Variants in SLC30A8 observed in about 807,000 individuals in gnomAD.
SLC30A8 encodes the protein proton-coupled zinc antiporter SLC30A8.
Under a neutral mutation model 36.9 loss-of-function variants are expected in SLC30A8, and 27 were observed. The ratio of observed to expected loss-of-function variants is 0.73; its 90% CI spans 0.54 to 1.01. SLC30A8 has a LOEUF of 1.01. SLC30A8 is among the 50% of genes least tolerant of loss of function. The pLI is 0.00. For missense variants in SLC30A8, 439 were observed against 452.0 expected (o/e 0.97, Z 0.26); for synonymous variants, 164 against 172.4 (o/e 0.95, Z 0.38).
At chr8:116,992,960 A>C (rs1165342188) in intron 1 of SLC30A8, among the ~76,000 whole-genome samples, 1 of 127,958 alleles carries the variant, frequency 7.8e-6, no homozygotes, top group Non-Finnish European at 1.8e-5. Context: ...AATCGTGGCC[A>C]TGTCGAGTAA....
At chr8:117,030,818 G>C (rs11989343) in intron 1 of SLC30A8, among the ~76,000 whole-genome samples, 10,275 of 152,220 alleles carry the variant, frequency 0.068, 422 homozygotes, top group African/African-American at 0.12. Context: ...TTAAAAGCTT[G>C]AGTTCTCTCT....
chr8:117,144,844 T>A (rs1821827718), intron 1 of SLC30A8, among the ~76,000 whole-genome samples: 1 of 152,146 alleles, frequency 6.6e-6, no homozygotes, highest in Non-Finnish European at 1.5e-5. Flanking sequence ...TGAGTCAGCA[T>A]GGCTGGGTTT....
chr8:117,056,547 C>A (rs887126733), intron 2 of SLC30A8, among the ~76,000 whole-genome samples: 1 of 139,580 alleles, frequency 7.2e-6, no homozygotes, highest in Non-Finnish European at 1.6e-5. Flanking sequence ...TTCTTTTTTT[C>A]TTTTTCTAAA....
chr8:116,985,293 TACACACACACACAC>T (rs71305454), intron 1 of SLC30A8, among the ~76,000 whole-genome samples: 1,828 of 140,318 alleles, frequency 0.013, 48 homozygotes, highest in African/African-American at 0.043. Context: ...CTCACACACA[TACACACACACACAC>T]ACACACACAC....
chr8:117,013,043 A>G (rs745960544), intron 1 of SLC30A8, among the ~76,000 whole-genome samples: 1 of 152,084 alleles, frequency 6.6e-6, no homozygotes, highest in Non-Finnish European at 1.5e-5. Flanking sequence ...GCAACTATTA[A>G]TATTTCTTAT....
At chr8:117,006,333 T>C (rs1234999713) in intron 1 of SLC30A8, among the ~76,000 whole-genome samples, 1 of 152,204 alleles carries the variant, frequency 6.6e-6, no homozygotes, top group African/African-American at 2.4e-5. Context: ...TTCAGTGTGA[T>C]CCTATTGGGT....
At position 117,019,837 on chromosome 8, in the gene SLC30A8, T is replaced by G. The variant is rs919608206; in HGVS notation, c.-265-19382T>G. On this transcript the variant is annotated intron_variant, in intron 1 of 10. Coordinates refer to the SLC30A8 transcript ENST00000427715. ...GAAAATTAAGATTTGTTTTGAGAAC[T>G]GCAAATAGTTGGTATGGCTGGAATG... Among the ~76,000 whole-genome samples the G allele has an allele frequency of 1.1e-4, 17 of 152,166 alleles. 1 individual carries two copies. The highest frequency in any genetic ancestry group is 4.1e-4 in the South Asian group (2 of 4,830).
chr8:117,093,858 T>C (rs1819243970), intron 2 of SLC30A8, among the ~76,000 whole-genome samples: 1 of 152,146 alleles, frequency 6.6e-6, no homozygotes, highest in African/African-American at 2.4e-5. Context: ...GAAAACCAGG[T>C]GCAAAGTGGC....
At chr8:117,129,766 G>C (rs1028827590) in intron 2 of SLC30A8, 3 of 151,952 alleles carry the variant, frequency 2.0e-5, no homozygotes, top group Non-Finnish European at 4.4e-5. Flanking sequence ...AATAATCTTT[G>C]CTTTAGATTC....
At chr8:117,138,072 AAAAAAAAAG>A (rs912964747) in intron 1 of SLC30A8, among the ~76,000 whole-genome samples, 3 of 150,738 alleles carry the variant, frequency 2.0e-5, no homozygotes, top group African/African-American at 7.3e-5. Context: ...AAAAAAAAAA[AAAAAAAAAG>A]AAAAAGAAAA....
At chr8:117,078,044 T>C (rs1351738891) in intron 2 of SLC30A8, among the ~76,000 whole-genome samples, 2 of 152,218 alleles carry the variant, frequency 1.3e-5, no homozygotes, top group African/African-American at 4.8e-5. Context: ...CAGGAATACC[T>C]TAACCAGTTT....
chr8:117,110,327 T>C (rs1820171188), intron 2 of SLC30A8, among the ~76,000 whole-genome samples: 1 of 152,038 alleles, frequency 6.6e-6, no homozygotes, highest in Non-Finnish European at 1.5e-5. Flanking sequence ...ACTTTGTCAT[T>C]CTGATTGACA....
At chr8:117,172,127 C>G (rs1316290629) in intron 7 of SLC30A8, among the ~76,000 whole-genome samples, 1 of 152,082 alleles carries the variant, frequency 6.6e-6, no homozygotes, top group African/African-American at 2.4e-5. Flanking sequence ...CTAAACGCTT[C>G]CTGGTTCCTG....
chr8:116,997,898 T>G (rs1815874449), intron 1 of SLC30A8, among the ~76,000 whole-genome samples: 1 of 152,178 alleles, frequency 6.6e-6, no homozygotes, highest in South Asian at 2.1e-4. Flanking sequence ...GTTCCCAGTC[T>G]AAAGATGAGA....
At chr8:117,033,281 T>C (rs530233163) in intron 1 of SLC30A8, among the ~76,000 whole-genome samples, 2 of 152,370 alleles carry the variant, frequency 1.3e-5, no homozygotes, top group African/African-American at 4.8e-5. Flanking sequence ...AAACAAATTA[T>C]GATGTATCTA....
At chr8:117,101,881 C>T (rs746933164) in intron 2 of SLC30A8, among the ~76,000 whole-genome samples, 3 of 152,232 alleles carry the variant, frequency 2.0e-5, no homozygotes, top group Non-Finnish European at 2.9e-5. Context: ...TGGCCTATTG[C>T]GGGACCTCAC....
chr8:117,074,180 T>C (rs947935508), intron 2 of SLC30A8, among the ~76,000 whole-genome samples: 1 of 150,584 alleles, frequency 6.6e-6, no homozygotes, highest in Non-Finnish European at 1.5e-5. Flanking sequence ...GTGTGTTTGT[T>C]ATGATTTTAG....
chr8:117,044,246 C>T (rs1045052106), intron 2 of SLC30A8, among the ~76,000 whole-genome samples: 1 of 152,176 alleles, frequency 6.6e-6, no homozygotes, highest in Admixed American at 6.5e-5. Context: ...TCTGGGGCTG[C>T]TGTGCAACAG....
chr8:116,958,826 A>G (rs1814308546), intron 1 of SLC30A8, among the ~76,000 whole-genome samples: 1 of 142,760 alleles, frequency 7.0e-6, no homozygotes, highest in Non-Finnish European at 1.5e-5. Context: ...CCTATAGCCC[A>G]CTGATGCTCT....
Sources: gnomAD v4.1 joint callset for allele counts (sites outside exome capture counted in the v4.1 genomes callset) on GRCh38, gnomAD v4.1.1 for gene constraint, MANE v1.5 for transcripts, NCBI Gene and HGNC (gene_info 2026-07-23, HGNC 2026-07-21) for gene names.